SCN4B: variants seen among roughly 807,000 people sequenced by gnomAD.
SCN4B encodes sodium channel regulatory subunit beta-4.
Under a neutral mutation model 19.6 loss-of-function variants are expected in SCN4B, and 20 were observed. The observed-to-expected ratio is 1.02, with a 90% CI of 0.72 to 1.48. The LOEUF is 1.48. SCN4B is among the 40% of genes most tolerant of loss of function. The pLI is 0.00. For missense variants in SCN4B, 271 were observed against 287.5 expected (o/e 0.94, Z 0.42); for synonymous variants, 127 against 122.8 (o/e 1.03, Z -0.22).
intron 3 of SCN4B, chr11:118,141,750 G>T: frequency 4.5e-6 from 1 of 220,350 alleles, no homozygotes. Context: ...CTCTTAGATG[G>T]TGAGAAGATT....
In SCN4B at chr11:118,136,956, G is replaced by T; in HGVS notation, c.*71C>A. 9.4e-7 allele frequency: 1 copy of T among 1,067,620 alleles called. No individual in the cohort carries two copies. Among genetic ancestry groups the T allele is most frequent in the South Asian group, 1.3e-5 (1 of 77,220 alleles). 66.1% of individuals were successfully genotyped at this position (1,067,620 alleles called of 1,614,324 possible). A position where few individuals can be genotyped will look rare whatever the true frequency, so the allele number is the denominator to read the frequency against. On this transcript the variant is annotated 3_prime_UTR_variant, in exon 5 of 5. Coordinates refer to ENST00000324727, the MANE Select transcript of SCN4B (RefSeq NM_174934.4). ...GATGTCTCAGGCACGTGGGTTCTAC[G>T]GTCGGGGCTCAAGCATCAGTTTCAT...
chr11:118,144,349 C>T (rs1303115122), intron 2 of SCN4B, among the ~76,000 whole-genome samples: 1 of 152,192 alleles, frequency 6.6e-6, no homozygotes, highest in African/African-American at 2.4e-5. Context: ...AAGCCTTTTA[C>T]CTAATGACTC....
In SCN4B at chr11:118,152,730, C is replaced by G; in HGVS notation, c.-57G>C. On this transcript the variant is annotated 5_prime_UTR_variant, in exon 1 of 5. Transcript: ENST00000324727. The stretch of plus-strand genomic sequence containing the variant: ...GCGGGGATGGGATACTGGGCACAGC[C>G]GCGCTCTCCGCCCGAGGTCGGCGTT... The G allele has an allele frequency of 7.2e-7, 1 of 1,392,156 alleles. No individual in the cohort carries two copies. Among genetic ancestry groups the G allele is most frequent in the Non-Finnish European group, 9.8e-7 (1 of 1,015,484 alleles). The allele number at this position is 1,392,156 out of a possible 1,614,324, so 86.2% of individuals were successfully genotyped here.
chr11:118,145,570 G>T, intron 1 of SCN4B: 1 of 901,600 alleles, frequency 1.1e-6, no homozygotes, highest in South Asian at 1.7e-5. Context: ...CGCAGTGCCT[G>T]GAAGCGCTCC....
At chr11:118,143,414 A>G (rs1271149377) in intron 3 of SCN4B, among the ~76,000 whole-genome samples, 1 of 152,192 alleles carries the variant, frequency 6.6e-6, no homozygotes, top group East Asian at 1.9e-4. Context: ...TGAATTCCTC[A>G]AGGAAGAATG....
intron 4 of SCN4B, among the ~76,000 whole-genome samples, chr11:118,140,295 C>G (rs1948077367): frequency 6.6e-6 from 1 of 152,206 alleles, no homozygotes; most frequent in Non-Finnish European, 1.5e-5. Context: ...CCCCTGCTCC[C>G]CAGCCCCAGC....
intron 3 of SCN4B, chr11:118,141,594 C>T (rs966976889): frequency 1.4e-5 from 8 of 562,318 alleles, no homozygotes; most frequent in African/African-American, 7.5e-5. Flanking sequence ...TGCACTCACA[C>T]GAGTTCTGGA....
At position 118,136,034 on chromosome 11, in the gene SCN4B, C is replaced by T. The variant is rs1321956031; in HGVS notation, c.*993G>A. Reference sequence around the variant, plus strand: ...TGGGGGCAGGGCGTGATGGAGGGCACGGTGGGGGGGGGGGAGCGAGCCAAT... The same window carrying T: ...TGGGGGCAGGGCGTGATGGAGGGCATGGTGGGGGGGGGGGAGCGAGCCAAT... On this transcript the variant is annotated 3_prime_UTR_variant, in exon 5 of 5. Transcript: ENST00000324727. 11 of 333,632 alleles carry T rather than the reference C, an allele frequency of 3.3e-5. 1 individual carries two copies. The highest frequency in any genetic ancestry group is 2.5e-4 in the East Asian group (3 of 12,236). 20.7% of individuals were successfully genotyped at this position (333,632 alleles called of 1,614,324 possible). A position where few individuals can be genotyped will look rare whatever the true frequency, so the allele number is the denominator to read the frequency against.
Position 118,152,730 on chromosome 11 carries a change from C to T in SCN4B, c.-57G>A. On this transcript the variant is annotated 5_prime_UTR_variant, in exon 1 of 5. Coordinates refer to ENST00000324727, the MANE Select transcript of SCN4B (RefSeq NM_174934.4). ...GCGGGGATGGGATACTGGGCACAGCCGCGCTCTCCGCCCGAGGTCGGCGTT... is the reference window on the plus strand; with the variant it reads ...GCGGGGATGGGATACTGGGCACAGCTGCGCTCTCCGCCCGAGGTCGGCGTT... 1 of 1,392,156 alleles carries T rather than the reference C, an allele frequency of 7.2e-7. No individual in the cohort carries two copies. The highest frequency in any genetic ancestry group is 9.8e-7 in the Non-Finnish European group (1 of 1,015,484). The allele number at this position is 1,392,156 out of a possible 1,614,324, so 86.2% of individuals were successfully genotyped here. A position where few individuals can be genotyped will look rare whatever the true frequency, so the allele number is the denominator to read the frequency against.
chr11:118,152,574 G>A lies in SCN4B; in HGVS notation c.61+39C>T. The A allele has an allele frequency of 1.9e-6, 3 of 1,550,496 alleles. 1 individual carries two copies. Among genetic ancestry groups the A allele is most frequent in the Admixed American group, 3.4e-5 (2 of 59,508 alleles). On this transcript the variant is annotated intron_variant, in intron 1 of 4. Coordinates refer to ENST00000324727, the MANE Select transcript of SCN4B (RefSeq NM_174934.4). ...CGAGTGTCCCCTTCTTTGGGGGTGG[G>A]GGGAGGCAAGAGAAGAGACCAAGCT...
intron 1 of SCN4B, chr11:118,145,707 A>G: frequency 3.3e-6 from 1 of 306,710 alleles, no homozygotes; most frequent in Non-Finnish European, 6.4e-6. Context: ...GAGGGGGAAG[A>G]GCCGGGTCCC....
chr11:118,139,186 C>T (rs749071217), intron 4 of SCN4B, among the ~76,000 whole-genome samples: 11 of 152,150 alleles, frequency 7.2e-5, no homozygotes, highest in Non-Finnish European at 1.5e-4. Flanking sequence ...CCCACCACCT[C>T]ACCATACAGC....
At chr11:118,143,532 A>G (rs1948126902) in intron 3 of SCN4B, among the ~76,000 whole-genome samples, 1 of 152,234 alleles carries the variant, frequency 6.6e-6, no homozygotes, top group Admixed American at 6.5e-5. Flanking sequence ...AGAAAACCCT[A>G]CTAGCCACAA....
At position 118,136,901 on chromosome 11, in the gene SCN4B, C is replaced by T. The variant is rs777778613; in HGVS notation, c.*126G>A. On this transcript the variant is annotated 3_prime_UTR_variant, in exon 5 of 5. Transcript: ENST00000324727. ...GGGCAGGACTCTGGTTTCTTGTGCC[C>T]GGAAAGACTACAGTTTGAGCCAAGC... is the stretch of plus-strand genomic sequence containing the variant. 1.5e-5 allele frequency: 11 copies of T among 738,374 alleles called. No individual in the cohort carries two copies. The highest frequency in any genetic ancestry group is 4.0e-5 in the Admixed American group (2 of 49,838). 45.7% of individuals were successfully genotyped at this position (738,374 alleles called of 1,614,324 possible).
At chr11:118,142,112 T>C (rs994150727) in intron 3 of SCN4B, among the ~76,000 whole-genome samples, 7 of 152,278 alleles carry the variant, frequency 4.6e-5, no homozygotes, top group Admixed American at 3.3e-4. Context: ...CATGGATGTC[T>C]GCAATAGCTT....
At position 118,143,814 on chromosome 11, in the gene SCN4B, G is replaced by A; in HGVS notation, c.463+19C>T. 2 of 1,589,374 alleles carry A rather than the reference G, an allele frequency of 1.3e-6. No individual in the cohort carries two copies. Among genetic ancestry groups the A allele is most frequent in the South Asian group, 2.2e-5 (2 of 90,418 alleles). ...AGTCCTTCCCACGCCACTGCCCTGT[G>A]CCAGCCCCTACTGCATACGTCTATC... is the stretch of plus-strand genomic sequence containing the variant. On this transcript the variant is annotated intron_variant, in intron 3 of 4. Transcript: ENST00000324727.
intron 1 of SCN4B, chr11:118,145,513 T>G: frequency 7.6e-7 from 1 of 1,316,910 alleles, no homozygotes; most frequent in Admixed American, 2.5e-5. Flanking sequence ...AACAAAGGCC[T>G]GGCCACTGCC....
In SCN4B at chr11:118,136,789, T is replaced by C. The variant is rs1364818509; in HGVS notation, c.*238A>G. On this transcript the variant is annotated 3_prime_UTR_variant, in exon 5 of 5. Coordinates refer to ENST00000324727, the MANE Select transcript of SCN4B (RefSeq NM_174934.4). ...CCTCCACACCACCCTAGCCTCTCCTTTCTTTCTCCTGAATCTTCCACAGAC... is the reference window on the plus strand; with the variant it reads ...CCTCCACACCACCCTAGCCTCTCCTCTCTTTCTCCTGAATCTTCCACAGAC... 1.6e-6 allele frequency: 1 copy of C among 638,640 alleles called. No homozygotes were observed. Among genetic ancestry groups the C allele is most frequent in the African/African-American group, 1.8e-5 (1 of 55,734 alleles). 39.6% of individuals were successfully genotyped at this position (638,640 alleles called of 1,614,324 possible).
At chr11:118,141,422 C>T in intron 3 of SCN4B, 86 bp from the exon 4 acceptor site, 6 of 1,543,642 alleles carry the variant, frequency 3.9e-6, no homozygotes, top group Non-Finnish European at 5.3e-6. Context: ...GTGCAAGGGC[C>T]ATGTAGCCTC....
Sources: gnomAD v4.1 joint callset for allele counts (sites outside exome capture counted in the v4.1 genomes callset) on GRCh38, gnomAD v4.1.1 for gene constraint, MANE v1.5 for transcripts, NCBI Gene and HGNC (gene_info 2026-07-23, HGNC 2026-07-21) for gene names.